Variants in CNTNAP2 observed in about 807,000 individuals in gnomAD.
CNTNAP2 encodes contactin associated protein 2, also known as contactin-associated protein-like 2.
In CNTNAP2, 98 loss-of-function variants were observed where a neutral mutation model predicts 155.2. The observed-to-expected ratio is 0.63, with a 90% CI of 0.54 to 0.75. CNTNAP2 has a LOEUF of 0.75. Among genes scored for constraint, CNTNAP2 ranks in the 30% least tolerant of loss-of-function variants. CNTNAP2 has a pLI of 0.00. For synonymous variants in CNTNAP2, 651 were observed against 631.2 expected (o/e 1.03, Z -0.47); for missense variants, 1,727 against 1,688.1 (o/e 1.02, Z -0.40).
intron 18 of CNTNAP2, among the ~76,000 whole-genome samples, chr7:148,208,341 T>G (rs1317968967): frequency 6.6e-6 from 1 of 152,066 alleles, no homozygotes; most frequent in African/African-American, 2.4e-5. Context: ...GTGTGAAGCT[T>G]GAGTTTGGGT....
chr7:147,540,754 C>T (rs909698420), intron 11 of CNTNAP2, among the ~76,000 whole-genome samples: 5 of 151,616 alleles, frequency 3.3e-5, no homozygotes, highest in Admixed American at 1.3e-4. Flanking sequence ...TCGCTTGAAC[C>T]GGGGAGTTGG....
intron 21 of CNTNAP2, among the ~76,000 whole-genome samples, chr7:148,329,063 G>C (rs1041232907): frequency 2.0e-5 from 3 of 148,390 alleles, no homozygotes; most frequent in African/African-American, 7.5e-5. Context: ...TCTCCATGCT[G>C]CTGCCTGGGG....
intron 2 of CNTNAP2, among the ~76,000 whole-genome samples, chr7:146,838,595 G>C (rs1481744571): frequency 6.7e-6 from 1 of 149,830 alleles, no homozygotes; most frequent in Non-Finnish European, 1.5e-5. Context: ...TGGGATTACA[G>C]GCGTGAGCCA....
chr7:146,803,486 C>A (rs1241826545), intron 2 of CNTNAP2, among the ~76,000 whole-genome samples: 1 of 152,156 alleles, frequency 6.6e-6, no homozygotes, highest in East Asian at 1.9e-4. Flanking sequence ...ACGGGCCAAT[C>A]ATGACAGCAA....
chr7:148,024,179 A>G (rs865919766), intron 15 of CNTNAP2, among the ~76,000 whole-genome samples: 20 of 150,260 alleles, frequency 1.3e-4, no homozygotes, highest in African/African-American at 4.7e-4. Context: ...AAAAAAAAAA[A>G]CTTTATAACA....
chr7:146,464,820 C>T (rs1796691852), intron 1 of CNTNAP2, among the ~76,000 whole-genome samples: 1 of 152,116 alleles, frequency 6.6e-6, no homozygotes, highest in Non-Finnish European at 1.5e-5. Context: ...TCCAGATTGG[C>T]TGGGCAAGCG....
intron 3 of CNTNAP2, among the ~76,000 whole-genome samples, chr7:146,878,915 A>G (rs944856589): frequency 1.3e-5 from 2 of 152,156 alleles, no homozygotes; most frequent in African/African-American, 4.8e-5. Flanking sequence ...TTACTTTGCT[A>G]TAATGGACAC....
chr7:146,362,420 C>T (rs1584889458), intron 1 of CNTNAP2, among the ~76,000 whole-genome samples: 1 of 152,152 alleles, frequency 6.6e-6, no homozygotes, highest in African/African-American at 2.4e-5. Flanking sequence ...ATGAAGTCGC[C>T]ATTGAGCACC....
At chr7:147,732,422 A>C (rs1184057999) in intron 13 of CNTNAP2, among the ~76,000 whole-genome samples, 5 of 152,072 alleles carry the variant, frequency 3.3e-5, no homozygotes, top group Non-Finnish European at 7.4e-5. Flanking sequence ...ACATTTTCTT[A>C]ATCCAGTCTA....
chr7:148,271,492 C>A (rs749000401), intron 21 of CNTNAP2, among the ~76,000 whole-genome samples: 2 of 152,236 alleles, frequency 1.3e-5, no homozygotes, highest in Non-Finnish European at 2.9e-5. Flanking sequence ...AGCTACTCAG[C>A]GAGTCAGCGG....
chr7:147,965,610 C>T (rs1045431402), intron 14 of CNTNAP2, among the ~76,000 whole-genome samples: 1 of 151,916 alleles, frequency 6.6e-6, no homozygotes, highest in African/African-American at 2.4e-5. Flanking sequence ...ACCTCACTCC[C>T]ACCCCACCCT....
chr7:147,611,080 A>G (rs558828853), intron 12 of CNTNAP2, among the ~76,000 whole-genome samples: 245 of 125,748 alleles, frequency 1.9e-3, no homozygotes, highest in African/African-American at 7.5e-3. Context: ...AGTGTGGTGT[A>G]GTAGATATTA....
chr7:147,155,475 G>A (rs897423160), intron 8 of CNTNAP2, among the ~76,000 whole-genome samples: 1 of 152,132 alleles, frequency 6.6e-6, no homozygotes, highest in Non-Finnish European at 1.5e-5. Context: ...ATAGACATTT[G>A]GAGGAGGCCC....
chr7:147,435,917 T>A (rs1413726504), intron 10 of CNTNAP2, among the ~76,000 whole-genome samples: 1 of 152,230 alleles, frequency 6.6e-6, no homozygotes, highest in Non-Finnish European at 1.5e-5. Context: ...CTTATCTCTC[T>A]TTTTACTCCT....
intron 2 of CNTNAP2, among the ~76,000 whole-genome samples, chr7:146,780,342 T>C (rs1802463551): frequency 6.6e-6 from 1 of 151,972 alleles, no homozygotes. Flanking sequence ...CCCGCCACCA[T>C]GCCTGGCTAA....
chr7:147,874,593 G>A (rs1267707928), intron 13 of CNTNAP2, among the ~76,000 whole-genome samples: 2 of 152,278 alleles, frequency 1.3e-5, no homozygotes, highest in Non-Finnish European at 2.9e-5. Context: ...AGGCCTCTGG[G>A]CCAGTGATGG....
intron 1 of CNTNAP2, among the ~76,000 whole-genome samples, chr7:146,136,007 G>T (rs779787656): frequency 6.6e-6 from 1 of 151,956 alleles, no homozygotes; most frequent in Non-Finnish European, 1.5e-5. Context: ...TAAGCTTACC[G>T]ATATGTAAAT....
At chr7:147,990,660 T>C (rs560192326) in intron 15 of CNTNAP2, among the ~76,000 whole-genome samples, 41 of 151,128 alleles carry the variant, frequency 2.7e-4, no homozygotes, top group Non-Finnish European at 5.0e-4. Flanking sequence ...TGATGCCCTT[T>C]GGACTTAGGC....
intron 21 of CNTNAP2, among the ~76,000 whole-genome samples, chr7:148,364,716 A>G (rs1381498829): frequency 2.0e-5 from 3 of 152,188 alleles, no homozygotes; most frequent in East Asian, 1.9e-4. Flanking sequence ...GTGCCCTGAC[A>G]AAACAGGCCA....
Sources: allele counts gnomAD v4.1 joint callset (sites outside exome capture counted in the v4.1 genomes callset), GRCh38; gene constraint gnomAD v4.1.1; transcripts MANE v1.5; gene names NCBI Gene and HGNC (gene_info 2026-07-23, HGNC 2026-07-21).